The following NKAIN3 variants were observed in gnomAD, a reference collection of about 807,000 sequenced individuals.
NKAIN3 encodes sodium/potassium transporting ATPase interacting 3.
NKAIN3 carries 25 observed loss-of-function variants against 30.2 expected under a neutral mutation model. The observed-to-expected ratio is 0.83, with a 90% CI of 0.60 to 1.16. The LOEUF (loss-of-function observed/expected upper bound fraction) is 1.16. Among genes scored for constraint, NKAIN3 ranks in the 50% most tolerant of loss-of-function variants. The pLI, the probability that NKAIN3 is intolerant of heterozygous loss-of-function variation, is 0.00. For synonymous variants in NKAIN3, 91 were observed against 89.6 expected (o/e 1.02, Z -0.09); for missense variants, 225 against 254.1 (o/e 0.89, Z 0.78).
chr8:62,999,058 A>G (rs185828379), intron 5 of NKAIN3, among the ~76,000 whole-genome samples: 185 of 152,076 alleles, frequency 1.2e-3, no homozygotes, highest in African/African-American at 4.2e-3. Flanking sequence ...TCATTTTTTA[A>G]TTGGGTTATT....
intron 1 of NKAIN3, among the ~76,000 whole-genome samples, chr8:62,337,664 G>A (rs1815610410): frequency 6.6e-6 from 1 of 151,766 alleles, no homozygotes; most frequent in South Asian, 2.1e-4. Context: ...CACATGCACA[G>A]CACGTGCACA....
At chr8:62,773,414 A>G (rs1817086377) in intron 4 of NKAIN3, among the ~76,000 whole-genome samples, 1 of 152,074 alleles carries the variant, frequency 6.6e-6, no homozygotes, top group South Asian at 2.1e-4. Context: ...CCATTGATCT[A>G]TGTATCTGTT....
intron 1 of NKAIN3, among the ~76,000 whole-genome samples, chr8:62,352,332 A>G (rs925976294): frequency 2.1e-4 from 32 of 152,158 alleles, no homozygotes; most frequent in African/African-American, 7.2e-4. Flanking sequence ...TCCTGAGAGA[A>G]GTGACAACTC....
At chr8:62,707,081 A>ACACACACACACACG (rs1554568727) in intron 3 of NKAIN3, among the ~76,000 whole-genome samples, 1 of 151,174 alleles carries the variant, frequency 6.6e-6, no homozygotes, top group African/African-American at 2.4e-5. Context: ...ACACACACAC[A>ACACACACACACACG]CACACGCACA....
At chr8:62,670,162 A>AC (rs1813256207) in intron 3 of NKAIN3, among the ~76,000 whole-genome samples, 1 of 152,084 alleles carries the variant, frequency 6.6e-6, no homozygotes, top group Admixed American at 6.6e-5. Context: ...AAAACACTGT[A>AC]CCCCATTTCT....
intron 3 of NKAIN3, among the ~76,000 whole-genome samples, chr8:62,727,917 G>A (rs946700619): frequency 1.1e-4 from 17 of 152,166 alleles, no homozygotes; most frequent in African/African-American, 3.9e-4. Context: ...CCATGTAAGT[G>A]TACGGTTGGA....
chr8:62,862,951 G>C (rs1270647543), intron 4 of NKAIN3: 1 of 427,062 alleles, frequency 2.3e-6, no homozygotes, highest in Non-Finnish European at 4.3e-6. Flanking sequence ...AGTGTTTTAA[G>C]TGTCTGTGTG....
At chr8:62,556,002 T>TCTCTTG (rs1809374201) in intron 1 of NKAIN3, among the ~76,000 whole-genome samples, 1 of 151,930 alleles carries the variant, frequency 6.6e-6, no homozygotes, top group African/African-American at 2.4e-5. Flanking sequence ...AAAATGGAAA[T>TCTCTTG]ATTTTCCATC....
chr8:62,895,901 CTT>C, intron 4 of NKAIN3, among the ~76,000 whole-genome samples: 1 of 152,228 alleles, frequency 6.6e-6, no homozygotes, highest in African/African-American at 2.4e-5. Flanking sequence ...TTCCTTGACT[CTT>C]CTCAAATGAG....
At chr8:62,320,464 C>G (rs537662332) in intron 1 of NKAIN3, among the ~76,000 whole-genome samples, 4 of 152,090 alleles carry the variant, frequency 2.6e-5, no homozygotes, top group African/African-American at 9.7e-5. Flanking sequence ...TTTGCAGTGG[C>G]TGGTACCGGT....
intron 1 of NKAIN3, among the ~76,000 whole-genome samples, chr8:62,261,502 C>G (rs1295878530): frequency 1.3e-5 from 2 of 152,174 alleles, no homozygotes; most frequent in Admixed American, 1.3e-4. Flanking sequence ...ATGAGGAAAG[C>G]TGGACTTACT....
intron 1 of NKAIN3, among the ~76,000 whole-genome samples, chr8:62,379,339 G>C (rs181620244): frequency 2.2e-4 from 33 of 152,290 alleles, no homozygotes; most frequent in Non-Finnish European, 2.9e-5. Flanking sequence ...AGTTAATACT[G>C]GAATGAGTTA....
intron 4 of NKAIN3, among the ~76,000 whole-genome samples, chr8:62,760,020 A>C (rs1816594402): frequency 1.3e-5 from 2 of 151,350 alleles, no homozygotes; most frequent in African/African-American, 2.4e-5. Flanking sequence ...TAGACACATG[A>C]AAGAATGCTC....
intron 4 of NKAIN3, among the ~76,000 whole-genome samples, chr8:62,822,678 T>C (rs1818884708): frequency 6.6e-6 from 1 of 152,192 alleles, no homozygotes; most frequent in Non-Finnish European, 1.5e-5. Context: ...TGCACTGTTA[T>C]GTGTACCTTG....
intron 1 of NKAIN3, among the ~76,000 whole-genome samples, chr8:62,454,762 T>C (rs1292147622): frequency 6.6e-6 from 1 of 152,110 alleles, no homozygotes; most frequent in Non-Finnish European, 1.5e-5. Flanking sequence ...TAAACACAGA[T>C]ACACCAAAAG....
At chr8:62,680,713 G>GGT (rs141207002) in intron 3 of NKAIN3, among the ~76,000 whole-genome samples, 3,543 of 150,068 alleles carry the variant, frequency 0.024, 118 homozygotes, top group African/African-American at 0.079. Flanking sequence ...TTTGAAGGCT[G>GGT]GTGTGTGTGT....
chr8:62,542,467 A>G (rs1158482063), intron 1 of NKAIN3, among the ~76,000 whole-genome samples: 1 of 152,220 alleles, frequency 6.6e-6, no homozygotes, highest in East Asian at 1.9e-4. Flanking sequence ...TAATCAACAT[A>G]TAAGAACAAA....
At chr8:62,850,488 T>C (rs975196847) in intron 4 of NKAIN3, among the ~76,000 whole-genome samples, 2 of 152,152 alleles carry the variant, frequency 1.3e-5, no homozygotes, top group African/African-American at 4.8e-5. Context: ...TTTTGGCTTT[T>C]GTTGCCATTG....
chr8:62,741,954 T>C (rs1283917937), intron 3 of NKAIN3, among the ~76,000 whole-genome samples: 1 of 152,178 alleles, frequency 6.6e-6, no homozygotes, highest in African/African-American at 2.4e-5. Flanking sequence ...TTTCTCTGTT[T>C]TCTCTTTGCC....
Sources: allele counts gnomAD v4.1 joint callset (sites outside exome capture counted in the v4.1 genomes callset), GRCh38; gene constraint gnomAD v4.1.1; transcripts MANE v1.5; gene names NCBI Gene and HGNC (gene_info 2026-07-23, HGNC 2026-07-21).